Variants in CA10 observed in about 807,000 individuals in gnomAD.
The protein encoded by CA10 is carbonic anhydrase-related protein 10.
In CA10, 14 loss-of-function variants were observed where a neutral mutation model predicts 44.2. The ratio of observed to expected loss-of-function variants is 0.32; its 90% confidence interval spans 0.21 to 0.50. The LOEUF is 0.50. Among genes scored for constraint, CA10 ranks in the 20% least tolerant of loss-of-function variants. The pLI, the probability that CA10 is intolerant of heterozygous loss-of-function variation, is 0.99. For missense variants in CA10, 350 were observed against 409.7 expected, an observed-to-expected ratio of 0.85 and a Z score of 1.26; for synonymous variants, 159 against 141.6, an observed-to-expected ratio of 1.12 and a Z score of -0.87.
chr17:51,642,102 A>C (rs1913114562), intron 6 of CA10, among the ~76,000 whole-genome samples: 1 of 152,246 alleles, frequency 6.6e-6, no homozygotes, highest in South Asian at 2.1e-4. Context: ...TTTTACACAA[A>C]CAATAAATGA....
At chr17:51,717,491 C>G (rs1433318575) in intron 4 of CA10, among the ~76,000 whole-genome samples, 1 of 139,120 alleles carries the variant, frequency 7.2e-6, no homozygotes, top group Non-Finnish European at 1.5e-5. Flanking sequence ...TGGAACCAAC[C>G]CAAATGCCCG....
chr17:51,876,160 G>GTTTTTTTTTT (rs3033579), intron 3 of CA10, among the ~76,000 whole-genome samples: 1 of 59,796 alleles, frequency 1.7e-5, no homozygotes, highest in Admixed American at 2.5e-4. Context: ...TTCTTCTCTC[G>GTTTTTTTTTT]TTTTTTTTTT....
chr17:51,658,477 G>T (rs1346842945), intron 4 of CA10, among the ~76,000 whole-genome samples: 17 of 152,196 alleles, frequency 1.1e-4, no homozygotes, highest in Admixed American at 1.1e-3. Flanking sequence ...AAAAGTCTTT[G>T]GGTAGGCTAA....
At chr17:52,003,722 GA>G (rs1411036656) in intron 2 of CA10, among the ~76,000 whole-genome samples, 1 of 151,870 alleles carries the variant, frequency 6.6e-6, no homozygotes, top group Non-Finnish European at 1.5e-5. Flanking sequence ...ACACAAAAGG[GA>G]AATGGATACA....
chr17:51,899,000 C>G (rs868260060), intron 3 of CA10, among the ~76,000 whole-genome samples: 3 of 151,644 alleles, frequency 2.0e-5, no homozygotes, highest in Non-Finnish European at 4.4e-5. Flanking sequence ...AAAAAAACCT[C>G]CTGGATTTAT....
intron 3 of CA10, among the ~76,000 whole-genome samples, chr17:51,856,897 T>A (rs1223696974): frequency 6.6e-6 from 1 of 152,186 alleles, no homozygotes; most frequent in African/African-American, 2.4e-5. Context: ...TCTAAATGAC[T>A]GACATAACAT....
chr17:51,751,391 T>C (rs988701588), intron 3 of CA10, among the ~76,000 whole-genome samples: 3 of 152,242 alleles, frequency 2.0e-5, no homozygotes, highest in Non-Finnish European at 4.4e-5. Flanking sequence ...CACCATTGAA[T>C]TGTACACTTA....
At chr17:52,152,597 T>G (rs1567749972) in intron 1 of CA10, among the ~76,000 whole-genome samples, 1 of 152,134 alleles carries the variant, frequency 6.6e-6, no homozygotes, top group African/African-American at 2.4e-5. Context: ...TTCCTTTATA[T>G]CACAATGCAT....
chr17:52,108,503 C>A (rs1041333883), intron 1 of CA10, among the ~76,000 whole-genome samples: 1 of 151,350 alleles, frequency 6.6e-6, no homozygotes, highest in South Asian at 2.1e-4. Flanking sequence ...TCGAGACCAG[C>A]CTGACCAACA....
At chr17:52,058,747 C>G (rs145249326) in intron 2 of CA10, among the ~76,000 whole-genome samples, 2 of 152,254 alleles carry the variant, frequency 1.3e-5, no homozygotes, top group East Asian at 3.9e-4. Context: ...TCTGCAAAGC[C>G]TTTTCTGACC....
chr17:51,752,053 T>C (rs977320784), intron 3 of CA10, among the ~76,000 whole-genome samples: 2 of 152,070 alleles, frequency 1.3e-5, no homozygotes, highest in African/African-American at 4.8e-5. Context: ...CTGCTATCAT[T>C]TTCCTATGTG....
chr17:51,849,307 A>G (rs76997769), intron 3 of CA10, among the ~76,000 whole-genome samples: 18,588 of 144,492 alleles, frequency 0.13, 2,601 homozygotes, highest in African/African-American at 0.35. Context: ...ATGTAGTTGT[A>G]GCTAGCTCAC....
intron 6 of CA10, among the ~76,000 whole-genome samples, chr17:51,636,834 AT>A (rs1912857025): frequency 6.7e-6 from 1 of 149,020 alleles, no homozygotes; most frequent in African/African-American, 2.5e-5. Flanking sequence ...TCTCAGGTCT[AT>A]GCAGATAGCC....
chr17:52,013,237 C>T (rs1985864603), intron 2 of CA10, among the ~76,000 whole-genome samples: 1 of 151,648 alleles, frequency 6.6e-6, no homozygotes, highest in Admixed American at 6.6e-5. Context: ...TAGGAGTAGT[C>T]AGAAGCTAAA....
chr17:51,663,694 A>C (rs1380586245), intron 4 of CA10, among the ~76,000 whole-genome samples: 1 of 152,240 alleles, frequency 6.6e-6, no homozygotes, highest in Non-Finnish European at 1.5e-5. Flanking sequence ...GTAAGCCCTC[A>C]TTAAATGGGA....
At chr17:51,831,324 C>T (rs1483948473) in intron 3 of CA10, among the ~76,000 whole-genome samples, 1 of 152,196 alleles carries the variant, frequency 6.6e-6, no homozygotes, top group Non-Finnish European at 1.5e-5. Flanking sequence ...TTTGAACTAG[C>T]CACAGTGGAA....
intron 3 of CA10, among the ~76,000 whole-genome samples, chr17:51,788,087 A>T (rs1384629520): frequency 6.6e-6 from 1 of 152,232 alleles, no homozygotes; most frequent in East Asian, 1.9e-4. Context: ...TGATGCAGGC[A>T]CTTGGAGCCA....
chr17:51,741,653 G>T (rs992129730), intron 4 of CA10, among the ~76,000 whole-genome samples: 1 of 152,182 alleles, frequency 6.6e-6, no homozygotes, highest in African/African-American at 2.4e-5. Context: ...CACCACTTAA[G>T]CACTGACTGT....
intron 4 of CA10, among the ~76,000 whole-genome samples, chr17:51,720,865 A>AT (rs34686179): frequency 0.65 from 99,104 of 151,942 alleles, 32,537 homozygotes; most frequent in Admixed American, 0.73. Flanking sequence ...ATAATAATGT[A>AT]TGTATACTTT....
Sources: allele counts gnomAD v4.1 joint callset (sites outside exome capture counted in the v4.1 genomes callset), GRCh38; gene constraint gnomAD v4.1.1; transcripts MANE v1.5; gene names NCBI Gene and HGNC (gene_info 2026-07-23, HGNC 2026-07-21).